Variants in UNC5D observed in about 807,000 individuals in gnomAD.
The protein encoded by UNC5D is netrin receptor UNC5D.
A neutral mutation model predicts 105.4 loss-of-function variants in UNC5D; 39 were observed. That is an observed-to-expected ratio of 0.37 (90% CI 0.29 to 0.48). The LOEUF (loss-of-function observed/expected upper bound fraction) is 0.48, where lower values mean the gene tolerates loss of function less well. Ranked by LOEUF, UNC5D falls within the 20% of genes least tolerant of loss-of-function variation. UNC5D has a pLI of 0.98. For missense variants in UNC5D, 991 were observed against 1,202.4 expected (o/e 0.82, Z 2.60); for synonymous variants, 452 against 450.4 (o/e 1.00, Z -0.04).
chr8:35,251,864 G>C (rs1244921223), intron 1 of UNC5D, among the ~76,000 whole-genome samples: 1 of 152,066 alleles, frequency 6.6e-6, no homozygotes, highest in Non-Finnish European at 1.5e-5. Flanking sequence ...ATACGGAGTA[G>C]GGTGAGGCCC....
chr8:35,242,614 A>T (rs766814483), intron 1 of UNC5D, among the ~76,000 whole-genome samples: 1 of 152,104 alleles, frequency 6.6e-6, no homozygotes, highest in Non-Finnish European at 1.5e-5. Flanking sequence ...AGTAGCTGGG[A>T]TTACAGGCAT....
At chr8:35,641,967 A>C (rs1019464561) in intron 4 of UNC5D, among the ~76,000 whole-genome samples, 2 of 152,058 alleles carry the variant, frequency 1.3e-5, no homozygotes, top group African/African-American at 2.4e-5. Context: ...AATTCTCTCA[A>C]ACACTCCAAG....
intron 1 of UNC5D, among the ~76,000 whole-genome samples, chr8:35,242,770 G>A (rs1199546635): frequency 6.6e-6 from 1 of 152,134 alleles, no homozygotes; most frequent in East Asian, 1.9e-4. Flanking sequence ...ACCGTGCCTG[G>A]CCAGCAACTT....
At chr8:35,311,454 T>A (rs1475157765) in intron 1 of UNC5D, among the ~76,000 whole-genome samples, 1 of 151,314 alleles carries the variant, frequency 6.6e-6, no homozygotes, top group Non-Finnish European at 1.5e-5. Context: ...CTCAGAAAAC[T>A]TTTTTTTTGC....
intron 4 of UNC5D, among the ~76,000 whole-genome samples, chr8:35,604,404 G>A (rs560885363): frequency 3.4e-3 from 515 of 152,338 alleles, no homozygotes; most frequent in African/African-American, 0.012. Context: ...AGTTTCTGCG[G>A]AGAGATCAGC....
At chr8:35,443,001 T>C (rs540207567) in intron 1 of UNC5D, among the ~76,000 whole-genome samples, 1 of 151,588 alleles carries the variant, frequency 6.6e-6, no homozygotes, top group South Asian at 2.1e-4. Context: ...TACCATAATA[T>C]AGGTGAGGAC....
At chr8:35,644,493 C>T (rs994309539) in intron 4 of UNC5D, among the ~76,000 whole-genome samples, 1 of 152,208 alleles carries the variant, frequency 6.6e-6, no homozygotes, top group Non-Finnish European at 1.5e-5. Context: ...TAAAGTTCAT[C>T]GTAGTCCCAG....
intron 1 of UNC5D, among the ~76,000 whole-genome samples, chr8:35,398,089 G>A (rs1189498228): frequency 6.6e-6 from 1 of 152,176 alleles, no homozygotes; most frequent in African/African-American, 2.4e-5. Context: ...CTTATTGTTA[G>A]TGAATGCCTA....
At position 35,406,811 on chromosome 8, in the gene UNC5D, C is replaced by T. The variant is rs575440151; in HGVS notation, c.104-142481C>T. Among the ~76,000 whole-genome samples, 8 of 152,204 alleles carry T rather than the reference C, an allele frequency of 5.3e-5. No individual in the cohort carries two copies. In the South Asian group the frequency reaches 1.7e-3, roughly 32 times the overall value. ...TTGGTGACAGTTAAGATTATAATCT[C>T]CTAGTTTAGCAGTTTTGTTTTCCAG... is the stretch of plus-strand genomic sequence containing the variant. On this transcript the variant is annotated intron_variant, in intron 1 of 16. Coordinates refer to ENST00000404895, the MANE Select transcript of UNC5D (RefSeq NM_080872.4).
At chr8:35,739,290 C>T (rs1031998649) in intron 11 of UNC5D, among the ~76,000 whole-genome samples, 3 of 152,042 alleles carry the variant, frequency 2.0e-5, no homozygotes, top group East Asian at 3.9e-4. Flanking sequence ...AACCCACCGC[C>T]GGCCCCCACC....
intron 1 of UNC5D, among the ~76,000 whole-genome samples, chr8:35,379,426 C>T (rs1010025793): frequency 6.6e-6 from 1 of 152,210 alleles, no homozygotes; most frequent in African/African-American, 2.4e-5. Context: ...TCACTCTTCT[C>T]TTTCTACCCT....
At chr8:35,542,416 C>T (rs1302117397) in intron 1 of UNC5D, among the ~76,000 whole-genome samples, 1 of 152,102 alleles carries the variant, frequency 6.6e-6, no homozygotes, top group Non-Finnish European at 1.5e-5. Flanking sequence ...TGCCGTGGAC[C>T]AATACACTCA....
chr8:35,709,064 A>T (rs574803860), intron 8 of UNC5D, among the ~76,000 whole-genome samples: 1 of 151,866 alleles, frequency 6.6e-6, no homozygotes, highest in African/African-American at 2.4e-5. Context: ...CAATCTGACT[A>T]TTCTGCCACC....
intron 1 of UNC5D, among the ~76,000 whole-genome samples, chr8:35,275,157 A>T (rs1805689556): frequency 6.6e-6 from 1 of 151,154 alleles, no homozygotes; most frequent in Non-Finnish European, 1.5e-5. Context: ...TGAAAACATA[A>T]TGAAATAAGA....
intron 7 of UNC5D, among the ~76,000 whole-genome samples, chr8:35,692,204 C>A (rs1358168671): frequency 6.6e-6 from 1 of 152,186 alleles, no homozygotes; most frequent in Non-Finnish European, 1.5e-5. Context: ...AAGATGTCTA[C>A]ACAATAGCAG....
At chr8:35,548,221 A>G (rs1169298599) in intron 1 of UNC5D, among the ~76,000 whole-genome samples, 3 of 152,172 alleles carry the variant, frequency 2.0e-5, no homozygotes, top group African/African-American at 4.8e-5. Flanking sequence ...TTGACACTCC[A>G]TATTAACCAT....
Position 35,725,884 on chromosome 8 carries a change from T to C in UNC5D, c.1304-268T>C, listed in dbSNP as rs1336819870. Reference sequence around the variant, plus strand: ...TTGCCAGAGAGAGTGCCAGAAATACTTGTTTTGAAAAGATAGCACGGAAAG... The same window carrying C: ...TTGCCAGAGAGAGTGCCAGAAATACCTGTTTTGAAAAGATAGCACGGAAAG... On this transcript the variant is annotated intron_variant, in intron 9 of 16. Transcript: ENST00000404895. Among the ~76,000 whole-genome samples the C allele has an allele frequency of 1.8e-4, 28 of 152,190 alleles. 1 individual carries two copies. Among genetic ancestry groups the C allele is most frequent in the Admixed American group, 1.8e-3 (28 of 15,278 alleles).
chr8:35,543,580 T>A (rs893718195), intron 1 of UNC5D, among the ~76,000 whole-genome samples: 61 of 152,218 alleles, frequency 4.0e-4, no homozygotes, highest in African/African-American at 1.4e-3. Flanking sequence ...TGTTAAATAT[T>A]CCTGCTTTAA....
At chr8:35,244,285 C>A (rs981463676) in intron 1 of UNC5D, among the ~76,000 whole-genome samples, 8 of 152,094 alleles carry the variant, frequency 5.3e-5, no homozygotes, top group Admixed American at 2.6e-4. Context: ...AGGGCCTTTT[C>A]GATGATGTTA....
Sources: gnomAD v4.1 joint callset for allele counts (sites outside exome capture counted in the v4.1 genomes callset) on GRCh38, gnomAD v4.1.1 for gene constraint, MANE v1.5 for transcripts, NCBI Gene and HGNC (gene_info 2026-07-23, HGNC 2026-07-21) for gene names.